The following COMT variants were observed in gnomAD, a reference collection of about 807,000 sequenced individuals.
COMT encodes the protein catechol O-methyltransferase.
A neutral mutation model predicts 18.9 loss-of-function variants in COMT; 13 were observed. That is an observed-to-expected ratio of 0.69 (90% CI 0.45 to 1.09). The LOEUF (loss-of-function observed/expected upper bound fraction) is 1.09, where lower values mean the gene tolerates loss of function less well. Ranked by LOEUF, COMT falls within the 50% of genes least tolerant of loss-of-function variation. The probability of loss-of-function intolerance (pLI) is 0.00; values close to 1 mark genes in which losing one functional copy is unlikely to be tolerated. For synonymous variants in COMT, 150 were observed against 160.9 expected (o/e 0.93, Z 0.51); for missense variants, 329 against 361.8 (o/e 0.91, Z 0.73).
chr22:19,963,447 C>A (rs867766596), intron 3 of COMT, 119 bp from the exon 4 acceptor site: 2 of 1,193,258 alleles, frequency 1.7e-6, no homozygotes, highest in Non-Finnish European at 1.2e-6. Flanking sequence ...GGAGGGCCAG[C>A]GGCCAGGCAT....
intron 3 of COMT, 112 bp downstream of exon 3, chr22:19,962,927 T>G (rs1942233318): frequency 7.3e-7 from 1 of 1,371,504 alleles, no homozygotes; most frequent in Non-Finnish European, 9.9e-7. Flanking sequence ...CTGGGAACCC[T>G]GGGATATGCC....
intron 5 of COMT, chr22:19,967,203 T>C: frequency 2.3e-6 from 3 of 1,304,886 alleles, no homozygotes; most frequent in Non-Finnish European, 3.0e-6. Context: ...TGACGTCTTC[T>C]GTATCCCTGA....
intron 1 of COMT, among the ~76,000 whole-genome samples, chr22:19,959,241 G>C (rs1601522740): frequency 6.6e-6 from 1 of 152,236 alleles, no homozygotes; most frequent in Non-Finnish European, 1.5e-5. Context: ...GGGTTTCTAC[G>C]TGGCTTTCTT....
At chr22:19,961,055 G>A (rs1942181065) in intron 1 of COMT, 144 bp from the exon 2 acceptor site, 1 of 152,280 alleles carries the variant, frequency 6.6e-6, no homozygotes, top group Non-Finnish European at 1.5e-5. Flanking sequence ...GGCCGGAAAG[G>A]CGAAGCACTG....
chr22:19,949,934 A>G (rs1259318292), intron 1 of COMT, among the ~76,000 whole-genome samples: 1 of 152,178 alleles, frequency 6.6e-6, no homozygotes, highest in Non-Finnish European at 1.5e-5. Context: ...ACAGACCAGA[A>G]TACCTTTAGC....
At chr22:19,962,052 G>A (rs1410591040) in intron 2 of COMT, among the ~76,000 whole-genome samples, 1 of 152,146 alleles carries the variant, frequency 6.6e-6, no homozygotes, top group Non-Finnish European at 1.5e-5. Context: ...CAGAGCATGG[G>A]TGACCAGCAC....
At chr22:19,967,492 C>T (rs1267881879) in intron 5 of COMT, 1 of 432,520 alleles carries the variant, frequency 2.3e-6, no homozygotes, top group Non-Finnish European at 4.7e-6. Flanking sequence ...ACTGACCTTG[C>T]AGCCGTGTGG....
At chr22:19,963,487 G>A in intron 3 of COMT, 79 bp from the exon 4 acceptor site, 1 of 1,522,532 alleles carries the variant, frequency 6.6e-7, no homozygotes, top group Non-Finnish European at 8.9e-7. Flanking sequence ...TTTGGGAGAG[G>A]TGGGGGGCCG....
intron 5 of COMT, chr22:19,964,516 C>G: frequency 1.4e-6 from 1 of 729,998 alleles, no homozygotes; most frequent in East Asian, 2.7e-5. Flanking sequence ...GGCTGGGTGG[C>G]CTGTTGGGAA....
At chr22:19,966,960 A>G in intron 5 of COMT, 22 of 985,432 alleles carry the variant, frequency 2.2e-5, no homozygotes, top group Non-Finnish European at 2.7e-5. Flanking sequence ...AGTCCTGCTC[A>G]GACGCTGATG....
At chr22:19,966,823 C>A (rs1047882625) in intron 5 of COMT, among the ~76,000 whole-genome samples, 2 of 152,192 alleles carry the variant, frequency 1.3e-5, no homozygotes, top group Admixed American at 1.3e-4. Flanking sequence ...TGGCTCCCTG[C>A]AACCTCTGTG....
chr22:19,951,950 C>T (rs924524022), intron 1 of COMT, among the ~76,000 whole-genome samples: 1 of 152,198 alleles, frequency 6.6e-6, no homozygotes, highest in African/African-American at 2.4e-5. Flanking sequence ...GTAGCCATGA[C>T]TTTCTCAGGC....
chr22:19,959,760 G>C (rs564481538), intron 1 of COMT, among the ~76,000 whole-genome samples: 2 of 151,888 alleles, frequency 1.3e-5, no homozygotes, highest in East Asian at 1.9e-4. Context: ...TGGCCTGGGC[G>C]TGTTGGCCTT....
chr22:19,953,080 G>A (rs905725454), intron 1 of COMT, among the ~76,000 whole-genome samples: 6 of 152,198 alleles, frequency 3.9e-5, no homozygotes, highest in African/African-American at 1.4e-4. Context: ...GCCGAGAAAC[G>A]TGCTCAGAGG....
At chr22:19,957,933 C>T (rs1387792158) in intron 1 of COMT, among the ~76,000 whole-genome samples, 2 of 152,152 alleles carry the variant, frequency 1.3e-5, no homozygotes, top group Non-Finnish European at 2.9e-5. Flanking sequence ...TTTTATTATC[C>T]ATTCAGGTGC....
intron 3 of COMT, among the ~76,000 whole-genome samples, chr22:19,963,061 G>A (rs1336642379): frequency 6.6e-6 from 1 of 152,118 alleles, no homozygotes; most frequent in African/African-American, 2.4e-5. Context: ...TGACGGTGGT[G>A]CAGTTCCCCT....
intron 1 of COMT, among the ~76,000 whole-genome samples, chr22:19,957,100 G>T (rs1000944606): frequency 6.6e-6 from 1 of 151,904 alleles, no homozygotes; most frequent in Non-Finnish European, 1.5e-5. Context: ...ACAGGTGCCT[G>T]CCACCACACC....
At chr22:19,962,259 A>G (rs1029973009) in intron 2 of COMT, 1 of 560,248 alleles carries the variant, frequency 1.8e-6, no homozygotes, top group Non-Finnish European at 3.2e-6. Flanking sequence ...CTGGGGAAGC[A>G]CCCAGGGCCA....
chr22:19,941,958 C>G, intron 1 of COMT, 61 bp downstream of exon 1: 1 of 671,236 alleles, frequency 1.5e-6, no homozygotes, highest in South Asian at 3.0e-5. Context: ...GGCCTTCAGA[C>G]CTAGGGTGGA....
Sources: gnomAD v4.1 joint callset for allele counts (sites outside exome capture counted in the v4.1 genomes callset) on GRCh38, gnomAD v4.1.1 for gene constraint, MANE v1.5 for transcripts, NCBI Gene and HGNC (gene_info 2026-07-23, HGNC 2026-07-21) for gene names.